The following STPG2 variants were observed in gnomAD, a reference collection of about 807,000 sequenced individuals.
STPG2 encodes the protein sperm-tail PG-rich repeat-containing protein 2.
STPG2 carries 56 observed loss-of-function variants against 54.2 expected under a neutral mutation model. The observed-to-expected ratio is 1.03, with a 90% CI of 0.83 to 1.29. The LOEUF (loss-of-function observed/expected upper bound fraction) is 1.29. Among genes scored for constraint, STPG2 ranks in the 50% most tolerant of loss-of-function variants. The pLI is 0.00. For synonymous variants in STPG2, 200 were observed against 181.8 expected, an observed-to-expected ratio of 1.10 and a Z score of -0.81; for missense variants, 596 against 544.9, an observed-to-expected ratio of 1.09 and a Z score of -0.93.
At chr4:97,609,160 T>C (rs1733672091) in intron 10 of STPG2, among the ~76,000 whole-genome samples, 1 of 152,054 alleles carries the variant, frequency 6.6e-6, no homozygotes, top group African/African-American at 2.4e-5. Flanking sequence ...GAGTTTTTAA[T>C]CTAGAGGCAA....
chr4:97,912,023 A>T (rs976672280), intron 8 of STPG2, among the ~76,000 whole-genome samples: 1 of 152,150 alleles, frequency 6.6e-6, no homozygotes, highest in Non-Finnish European at 1.5e-5. Flanking sequence ...TCCACTGGTG[A>T]TACCGTCAGG....
intron 8 of STPG2, among the ~76,000 whole-genome samples, chr4:97,861,378 T>C (rs1034752982): frequency 6.6e-5 from 10 of 152,136 alleles, no homozygotes; most frequent in African/African-American, 2.4e-4. Flanking sequence ...AAGGGAGCCT[T>C]TGGCCACTGT....
intron 7 of STPG2, among the ~76,000 whole-genome samples, chr4:97,953,191 T>C (rs535553254): frequency 2.0e-5 from 3 of 152,290 alleles, no homozygotes; most frequent in Non-Finnish European, 4.4e-5. Flanking sequence ...GAGGAATTCG[T>C]TGGCCACTAG....
chr4:98,107,068 A>T (rs1416361536), intron 4 of STPG2, among the ~76,000 whole-genome samples: 1 of 152,138 alleles, frequency 6.6e-6, no homozygotes, highest in African/African-American at 2.4e-5. Context: ...CTCCTCACTG[A>T]TTGTTATTTG....
chr4:97,969,405 T>C (rs1328317202), intron 7 of STPG2, among the ~76,000 whole-genome samples: 1 of 152,134 alleles, frequency 6.6e-6, no homozygotes, highest in Non-Finnish European at 1.5e-5. Context: ...CGTAAATCTC[T>C]CACTAACCTA....
chr4:97,963,155 T>G (rs970796421), intron 7 of STPG2, among the ~76,000 whole-genome samples: 1 of 138,118 alleles, frequency 7.2e-6, no homozygotes, highest in Admixed American at 7.2e-5. Context: ...CAACACTCCA[T>G]CTCAAAAACA....
downstream of STPG2, among the ~76,000 whole-genome samples, chr4:97,555,530 A>G (rs1472784661): frequency 6.6e-6 from 1 of 152,148 alleles, no homozygotes; most frequent in Admixed American, 6.5e-5. Flanking sequence ...ATTACTGTAG[A>G]AAGAATGATG....
At chr4:97,765,367 C>A (rs1726010516) in intron 9 of STPG2, among the ~76,000 whole-genome samples, 1 of 152,018 alleles carries the variant, frequency 6.6e-6, no homozygotes, top group Non-Finnish European at 1.5e-5. Context: ...TGCTGTCCTC[C>A]CTATAAGAGG....
chr4:97,763,862 A>C (rs2149056005), intron 9 of STPG2, among the ~76,000 whole-genome samples: 1 of 152,284 alleles, frequency 6.6e-6, no homozygotes, highest in East Asian at 1.9e-4. Context: ...CTTAACTCTA[A>C]GATGATAATA....
chr4:97,476,505 T>C (rs1276220721), intron 4 of STPG2, among the ~76,000 whole-genome samples: 1 of 152,164 alleles, frequency 6.6e-6, no homozygotes, highest in African/African-American at 2.4e-5. Context: ...GCTTACTTGA[T>C]TATTTTTCCA....
At chr4:97,489,414 C>G (rs1390975458) in intron 4 of STPG2, among the ~76,000 whole-genome samples, 2 of 151,680 alleles carry the variant, frequency 1.3e-5, no homozygotes, top group Non-Finnish European at 2.9e-5. Context: ...TAACGTAGCA[C>G]TGGTTCCCCA....
chr4:98,124,832 C>T (rs1210007359), intron 3 of STPG2, among the ~76,000 whole-genome samples: 1 of 152,178 alleles, frequency 6.6e-6, no homozygotes, highest in Non-Finnish European at 1.5e-5. Flanking sequence ...TAGGTTCAGT[C>T]TTTTTACATA....
intron 4 of STPG2, among the ~76,000 whole-genome samples, chr4:97,448,844 A>T (rs1248140103): frequency 6.6e-6 from 1 of 152,176 alleles, no homozygotes; most frequent in Non-Finnish European, 1.5e-5. Context: ...GCAGAGTTAC[A>T]TTAAATGTTC....
intron 8 of STPG2, among the ~76,000 whole-genome samples, chr4:97,904,379 C>G (rs568242105): frequency 8.5e-5 from 13 of 152,322 alleles, no homozygotes; most frequent in African/African-American, 2.6e-4. Flanking sequence ...TCCAACAGAC[C>G]TGCAGCTGAG....
At chr4:97,652,871 CT>C (rs1722109802) in intron 10 of STPG2, among the ~76,000 whole-genome samples, 1 of 151,998 alleles carries the variant, frequency 6.6e-6, no homozygotes, top group Non-Finnish European at 1.5e-5. Context: ...TGCCCTTAAA[CT>C]TAGATAGACT....
At chr4:97,868,426 T>A (rs889324937) in intron 8 of STPG2, among the ~76,000 whole-genome samples, 15 of 151,970 alleles carry the variant, frequency 9.9e-5, no homozygotes, top group African/African-American at 3.1e-4. Context: ...TCAGGGACAA[T>A]TTTTATATTA....
chr4:97,976,958 T>A (rs1200339300), intron 6 of STPG2, among the ~76,000 whole-genome samples: 2 of 152,170 alleles, frequency 1.3e-5, no homozygotes, highest in Non-Finnish European at 2.9e-5. Flanking sequence ...AATAAGCAAC[T>A]CAAAATCAAA....
chr4:97,636,803 A>G (rs931869699), intron 10 of STPG2, among the ~76,000 whole-genome samples: 3 of 152,184 alleles, frequency 2.0e-5, no homozygotes, highest in Non-Finnish European at 2.9e-5. Context: ...AAGAAGTTGA[A>G]TCTCTGAATA....
At chr4:97,449,936 A>ATTGTTT (rs1729323208) in intron 4 of STPG2, among the ~76,000 whole-genome samples, 1 of 152,180 alleles carries the variant, frequency 6.6e-6, no homozygotes, top group African/African-American at 2.4e-5. Context: ...CAATGCAAAC[A>ATTGTTT]ATGTAGCCTA....
Sources: allele counts gnomAD v4.1 joint callset (sites outside exome capture counted in the v4.1 genomes callset), GRCh38; gene constraint gnomAD v4.1.1; transcripts MANE v1.5; gene names NCBI Gene and HGNC (gene_info 2026-07-23, HGNC 2026-07-21).